Variants in STK3 observed in about 807,000 individuals in gnomAD.
The protein encoded by STK3 is serine/threonine-protein kinase 3.
Under a neutral mutation model 58.0 loss-of-function variants are expected in STK3, and 41 were observed. The ratio of observed to expected loss-of-function variants is 0.71; its 90% CI spans 0.55 to 0.92. The LOEUF (loss-of-function observed/expected upper bound fraction) is 0.92. STK3 is among the 40% of genes least tolerant of loss of function. The pLI, the probability that STK3 is intolerant of heterozygous loss-of-function variation, is 0.00. For synonymous variants in STK3, 170 were observed against 191.0 expected, an observed-to-expected ratio of 0.89 and a Z score of 0.91; for missense variants, 479 against 602.7, an observed-to-expected ratio of 0.79 and a Z score of 2.15.
At chr8:98,497,082 G>A (rs1167864109) in intron 10 of STK3, among the ~76,000 whole-genome samples, 1 of 152,088 alleles carries the variant, frequency 6.6e-6, no homozygotes, top group Admixed American at 6.6e-5. Flanking sequence ...AGACAGTGTG[G>A]TAGTGGCATG....
At chr8:98,361,125 C>G in the STK3 span, among the ~76,000 whole-genome samples, 1 of 152,144 alleles carries the variant, frequency 6.6e-6, no homozygotes, top group Non-Finnish European at 1.5e-5. Flanking sequence ...CTGAGTACCC[C>G]CCTTCCCAAC....
intron 1 of STK3, among the ~76,000 whole-genome samples, chr8:98,795,912 A>T (rs1264621720): frequency 1.3e-5 from 2 of 152,204 alleles, no homozygotes; most frequent in African/African-American, 4.8e-5. Context: ...CTACAAGGAG[A>T]ACTATAAAAC....
chr8:98,546,612 T>C (rs1401885767), intron 9 of STK3, among the ~76,000 whole-genome samples: 1 of 152,150 alleles, frequency 6.6e-6, no homozygotes, highest in African/African-American at 2.4e-5. Flanking sequence ...GTCTTTGTGA[T>C]CCACTTGTAC....
intron 1 of STK3, among the ~76,000 whole-genome samples, chr8:98,789,560 C>T (rs911840883): frequency 1.3e-5 from 2 of 151,772 alleles, no homozygotes; most frequent in East Asian, 3.9e-4. Context: ...CAATTAGAAC[C>T]GAAAAGGGAG....
chr8:98,687,074 C>T (rs1248458546), intron 6 of STK3, among the ~76,000 whole-genome samples: 1 of 152,042 alleles, frequency 6.6e-6, no homozygotes, highest in African/African-American at 2.4e-5. Context: ...TACAAGAAAT[C>T]CAGATAACTC....
intron 3 of STK3, among the ~76,000 whole-genome samples, chr8:98,422,876 A>C (rs1012328055): frequency 3.9e-5 from 6 of 152,194 alleles, no homozygotes; most frequent in African/African-American, 1.4e-4. Context: ...AGCTTAAGAA[A>C]TGCCGATTTG....
intron 10 of STK3, among the ~76,000 whole-genome samples, chr8:98,523,593 T>C (rs1190887185): frequency 6.6e-6 from 1 of 152,092 alleles, no homozygotes; most frequent in Non-Finnish European, 1.5e-5. Context: ...CAGGCTGGTC[T>C]CAAACTCCTG....
At chr8:98,906,986 C>CAAAA (rs529714547) in intron 1 of STK3, among the ~76,000 whole-genome samples, 1 of 119,852 alleles carries the variant, frequency 8.3e-6, no homozygotes, top group Non-Finnish European at 1.7e-5. Context: ...CCATCTCTAC[C>CAAAA]AATAAAAAAA....
chr8:98,465,311 T>G (rs766954757), intron 10 of STK3, among the ~76,000 whole-genome samples: 6 of 152,170 alleles, frequency 3.9e-5, no homozygotes, highest in Non-Finnish European at 5.9e-5. Context: ...AACTGCAGTC[T>G]ACTGATAGCT....
At chr8:98,553,873 G>C (rs367963967) in intron 8 of STK3, among the ~76,000 whole-genome samples, 41 of 151,996 alleles carry the variant, frequency 2.7e-4, no homozygotes, top group Middle Eastern at 3.4e-3. Flanking sequence ...GCTGATGCAG[G>C]AGAATCATTT....
At chr8:98,912,185 C>T (rs190253952) in intron 1 of STK3, among the ~76,000 whole-genome samples, 29 of 152,190 alleles carry the variant, frequency 1.9e-4, no homozygotes, top group Non-Finnish European at 1.5e-4. Flanking sequence ...TCAAGATGAG[C>T]CTGATCAACA....
At chr8:98,921,545 G>A (rs777165851) in intron 1 of STK3, 2 of 152,254 alleles carry the variant, frequency 1.3e-5, no homozygotes, top group African/African-American at 2.4e-5. Context: ...GATCACCCTT[G>A]CATGCAAATA....
chr8:98,927,414 C>T lies in STK3; in HGVS notation c.-79+14964G>A, dbSNP rs368221193. Among the ~76,000 whole-genome samples, 3 of 152,206 alleles carry T rather than the reference C, an allele frequency of 2.0e-5. No homozygotes were observed. In the East Asian group the frequency reaches 5.8e-4, roughly 29 times the overall value. ...CCAGTCAGATTCCTTTATTCCCCAA[C>T]CTACAGTGATTAATCCAGAGATACG... On this transcript the variant is annotated intron_variant, in intron 1 of 1. Coordinates refer to the STK3 transcript ENST00000519420.
At chr8:98,362,802 C>T in the STK3 span, among the ~76,000 whole-genome samples, 193 of 152,330 alleles carry the variant, frequency 1.3e-3, no homozygotes, top group African/African-American at 4.3e-3. Flanking sequence ...AGAGGCCGCT[C>T]CCTTCACTTC....
chr8:98,526,953 T>G (rs1283537918), intron 9 of STK3, 36 bp from the exon 10 acceptor site: 1 of 1,419,852 alleles, frequency 7.0e-7, no homozygotes, highest in Admixed American at 2.5e-5. Context: ...AGGTATAAGT[T>G]CTTACATTTA....
chr8:98,531,292 A>T (rs2131508291), intron 9 of STK3, among the ~76,000 whole-genome samples: 1 of 152,356 alleles, frequency 6.6e-6, no homozygotes, highest in South Asian at 2.1e-4. Flanking sequence ...GGGCTACAAA[A>T]TGGATGTTGT....
At chr8:98,828,132 G>A (rs926810511), upstream of STK3, among the ~76,000 whole-genome samples, 17 of 151,594 alleles carry the variant, frequency 1.1e-4, no homozygotes, top group African/African-American at 3.6e-4. Context: ...CCGCCACCAC[G>A]CCCAGCTAAT....
In STK3 at chr8:98,905,333, A is replaced by T. The variant is rs1394898890; in HGVS notation, c.-78-21499T>A. 4.3e-6 allele frequency: 4 copies of T among 922,230 alleles called. No individual in the cohort carries two copies. The African/African-American group carries it at 6.5e-5, about 15-fold the overall frequency. 57.1% of individuals were successfully genotyped at this position (922,230 alleles called of 1,614,324 possible). ...CCATGTGTATGAAGTGTATGAGGACATAATCTTTCACGATGTCACATTCAA... is the reference window on the plus strand; with the variant it reads ...CCATGTGTATGAAGTGTATGAGGACTTAATCTTTCACGATGTCACATTCAA... On this transcript the variant is annotated intron_variant, in intron 1 of 1. Transcript: ENST00000519420.
At chr8:98,355,308 C>T in the STK3 span, among the ~76,000 whole-genome samples, 1 of 152,256 alleles carries the variant, frequency 6.6e-6, no homozygotes. Context: ...ATGTCTGGCT[C>T]ATTCTTCCTG....
Sources: gnomAD v4.1 joint callset for allele counts (sites outside exome capture counted in the v4.1 genomes callset) on GRCh38, gnomAD v4.1.1 for gene constraint, MANE v1.5 for transcripts, NCBI Gene and HGNC (gene_info 2026-07-23, HGNC 2026-07-21) for gene names.